The following TMCC2 variants were observed in gnomAD, a reference collection of about 807,000 sequenced individuals.
TMCC2 encodes the protein transmembrane and coiled-coil domains protein 2.
Under a neutral mutation model 49.4 loss-of-function variants are expected in TMCC2, and 16 were observed. The observed-to-expected ratio is 0.32, with a 90% CI of 0.22 to 0.49. The LOEUF (loss-of-function observed/expected upper bound fraction) is 0.49, where lower values mean the gene tolerates loss of function less well. TMCC2 is among the 20% of genes least tolerant of loss of function. The pLI, the probability that TMCC2 is intolerant of heterozygous loss-of-function variation, is 0.99. For synonymous variants in TMCC2, 397 were observed against 434.1 expected (o/e 0.91, Z 1.06); for missense variants, 762 against 989.8 (o/e 0.77, Z 3.09).
intron 2 of TMCC2, among the ~76,000 whole-genome samples, chr1:205,262,742 G>T (rs1661165317): frequency 6.6e-6 from 1 of 152,148 alleles, no homozygotes; most frequent in South Asian, 2.1e-4. Flanking sequence ...GCAGGCTGGG[G>T]CTCCAGGCAA....
chr1:205,257,091 G>A, intron 2 of TMCC2: 1 of 1,173,980 alleles, frequency 8.5e-7, no homozygotes, highest in Non-Finnish European at 1.1e-6. Context: ...CCCGCGCTCG[G>A]TGATCCTCCC....
intron 1 of TMCC2, among the ~76,000 whole-genome samples, chr1:205,238,511 T>G (rs1660144753): frequency 6.6e-6 from 1 of 152,146 alleles, no homozygotes; most frequent in South Asian, 2.1e-4. Context: ...TCCTGGTCAC[T>G]TTCCCTAGGT....
chr1:205,244,247 G>A (rs1660375574), intron 2 of TMCC2, among the ~76,000 whole-genome samples: 1 of 152,136 alleles, frequency 6.6e-6, no homozygotes, highest in Non-Finnish European at 1.5e-5. Context: ...CCACCTCCAT[G>A]CTGGCTGGAG....
At position 205,264,917 on chromosome 1, in the gene TMCC2, G is replaced by T. The variant is rs181840986; in HGVS notation, c.748-4033G>T. Among the ~76,000 whole-genome samples, 857 of 152,276 alleles carry T rather than the reference G, an allele frequency of 5.6e-3. 7 individuals carry two copies. The highest frequency in any genetic ancestry group is 0.02 in the African/African-American group (814 of 41,546). ...CCTTATCCTTTGTCCAAAACATTTA[G>T]AATTTGAGAAAAAGAGAAGAGCCCA... On this transcript the variant is annotated intron_variant, in intron 2 of 4. Coordinates refer to ENST00000358024, the MANE Select transcript of TMCC2 (RefSeq NM_014858.4). This position sits in a 1 kb window ranked among gnomAD's most constrained non-coding sequence, Gnocchi z 4.2.
intron 3 of TMCC2, 25 bp from the exon 4 acceptor site, chr1:205,271,095 G>A: frequency 6.2e-7 from 1 of 1,611,102 alleles, no homozygotes; most frequent in Non-Finnish European, 8.5e-7. Flanking sequence ...GCCAGGACTG[G>A]TGTCACTCTC....
chr1:205,272,250 C>T lies in TMCC2; in HGVS notation c.*126C>T. 2 of 1,450,910 alleles carry T rather than the reference C, an allele frequency of 1.4e-6. No individual in the cohort carries two copies. Among genetic ancestry groups the T allele is most frequent in the Non-Finnish European group, 1.8e-6 (2 of 1,100,694 alleles). 89.9% of individuals were successfully genotyped at this position (1,450,910 alleles called of 1,614,324 possible). Reference sequence around the variant, plus strand: ...CCCAAACTGTCCATTCCAGCAGCTCCTGCCCCCTTCTCTGTACTTGCTTCT... The same window carrying T: ...CCCAAACTGTCCATTCCAGCAGCTCTTGCCCCCTTCTCTGTACTTGCTTCT... On this transcript the variant is annotated 3_prime_UTR_variant, in exon 5 of 5. Transcript: ENST00000358024.
chr1:205,239,196 G>A (rs921607194), intron 1 of TMCC2, among the ~76,000 whole-genome samples: 3 of 152,182 alleles, frequency 2.0e-5, no homozygotes, highest in African/African-American at 7.2e-5. Flanking sequence ...GGAATAGAAC[G>A]CTAGAAAGAC....
In TMCC2 at chr1:205,228,412, A is replaced by T. The variant is rs1026690961; in HGVS notation, c.-153A>T. ...GCCCCTCCCTCACCCGCCTTTAAGA[A>T]TTTTTTTTTTAATTCAAGAAATTGT... On this transcript the variant is annotated 5_prime_UTR_variant, in exon 1 of 5. Transcript: ENST00000358024. 2.9e-5 allele frequency: 17 copies of T among 578,836 alleles called. No individual in the cohort carries two copies. Among genetic ancestry groups the T allele is most frequent in the African/African-American group, 2.5e-4 (13 of 52,668 alleles). 35.9% of individuals were successfully genotyped at this position (578,836 alleles called of 1,614,324 possible).
chr1:205,260,367 G>A (rs1661056572), intron 2 of TMCC2, among the ~76,000 whole-genome samples: 1 of 152,186 alleles, frequency 6.6e-6, no homozygotes, highest in Non-Finnish European at 1.5e-5. Context: ...GGGAACCTTG[G>A]GCATTTCTGC....
chr1:205,267,781 G>T, intron 2 of TMCC2: 1 of 692,010 alleles, frequency 1.4e-6, no homozygotes, highest in Non-Finnish European at 1.8e-6. Flanking sequence ...TGATGCACTC[G>T]GGAAGCCTGC....
Position 205,241,427 on chromosome 1 carries a change from C to A in TMCC2, c.208-78C>A. On this transcript the variant is annotated intron_variant, in intron 1 of 4. Coordinates refer to ENST00000358024, the MANE Select transcript of TMCC2 (RefSeq NM_014858.4). The surrounding 1 kb of genome is among the most constrained non-coding windows in gnomAD (Gnocchi z 7.3). ...CTATGCCAGTCTACCAAGGACAGAC[C>A]CTTCACCTTCACCCTCCTACTGACT... 1.4e-6 allele frequency: 2 copies of A among 1,462,130 alleles called. No homozygotes were observed. The highest frequency in any genetic ancestry group is 4.6e-5 in the East Asian group (2 of 43,294). 90.6% of individuals were successfully genotyped at this position (1,462,130 alleles called of 1,614,324 possible).
rs770393818 is a variant in TMCC2 at position 205,271,966 on chromosome 1, C to G, written c.1972C>G (p.Leu658Val). 1 of 1,614,216 alleles carries G rather than the reference C, an allele frequency of 6.2e-7. No individual in the cohort carries two copies. Among genetic ancestry groups the G allele is most frequent in the Non-Finnish European group, 8.5e-7 (1 of 1,180,040 alleles). The change falls in exon 5 of 5, where the codon CTG becomes GTG. Residue 658 changes from leucine (L) to valine (V), a missense_variant. Leu to Val is a conservative substitution (Grantham distance 32). Coordinates refer to ENST00000358024, the MANE Select transcript of TMCC2 (RefSeq NM_014858.4). The stretch of plus-strand genomic sequence containing the variant: ...GATCCTGGCGCTCATGGCCGTGCTG[C>G]TGGTGTTCGTGTCCACCATCGCCAA... The part of the protein sequence containing the change: ...NVILALMAVL[L>V]VFVSTIANFI...
At chr1:205,251,055 C>T (rs1028805563) in intron 2 of TMCC2, among the ~76,000 whole-genome samples, 1 of 152,210 alleles carries the variant, frequency 6.6e-6, no homozygotes, top group Admixed American at 6.5e-5. Flanking sequence ...GCATCATTAA[C>T]CTGATCCCTG....
intron 1 of TMCC2, among the ~76,000 whole-genome samples, chr1:205,236,149 G>A (rs942914189): frequency 2.6e-5 from 4 of 151,704 alleles, no homozygotes; most frequent in African/African-American, 7.3e-5. Flanking sequence ...TTAACTGAGT[G>A]ATGTCCACCA....
intron 2 of TMCC2, among the ~76,000 whole-genome samples, chr1:205,253,772 G>C (rs1660758086): frequency 6.6e-6 from 1 of 152,204 alleles, no homozygotes; most frequent in Non-Finnish European, 1.5e-5. Flanking sequence ...TACTTCTTTG[G>C]CTTTTTCTGT....
intron 2 of TMCC2, among the ~76,000 whole-genome samples, chr1:205,258,632 G>C (rs1151786): frequency 0.25 from 38,191 of 152,056 alleles, 6,324 homozygotes; most frequent in Non-Finnish European, 0.37. Flanking sequence ...CAGCCCCACC[G>C]GGCTATTCCT....
chr1:205,263,361 T>A (rs1661194332), intron 2 of TMCC2, among the ~76,000 whole-genome samples: 1 of 152,104 alleles, frequency 6.6e-6, no homozygotes, highest in African/African-American at 2.4e-5. Flanking sequence ...TGGGGAGAAC[T>A]CCTTTCTTTT....
At chr1:205,233,011 C>A (rs1349763914) in intron 1 of TMCC2, among the ~76,000 whole-genome samples, 8 of 120,964 alleles carry the variant, frequency 6.6e-5, no homozygotes, top group African/African-American at 1.9e-4. Context: ...AAAAAAAAAA[C>A]CACAACGTGT....
chr1:205,268,791 G>A (rs1485072939), intron 2 of TMCC2, 159 bp from the exon 3 acceptor site: 3 of 674,400 alleles, frequency 4.4e-6, no homozygotes, highest in Non-Finnish European at 7.5e-6. Flanking sequence ...TGAAAGCCCT[G>A]TGTAAGTGGC....
Sources: allele counts gnomAD v4.1 joint callset (sites outside exome capture counted in the v4.1 genomes callset), GRCh38; gene constraint gnomAD v4.1.1; non-coding constraint Gnocchi (gnomAD v3.1); transcripts MANE v1.5; gene names NCBI Gene and HGNC (gene_info 2026-07-23, HGNC 2026-07-21).